The following LRRTM3 variants were observed in gnomAD, a reference collection of about 807,000 sequenced individuals.
The protein encoded by LRRTM3 is leucine-rich repeat transmembrane neuronal protein 3.
LRRTM3 carries 24 observed loss-of-function variants against 44.7 expected under a neutral mutation model. The observed-to-expected ratio is 0.54, with a 90% confidence interval of 0.39 to 0.76. The LOEUF is 0.76. LRRTM3 is among the 30% of genes least tolerant of loss of function. The probability of loss-of-function intolerance (pLI) is 0.00; values close to 1 mark genes in which losing one functional copy is unlikely to be tolerated. For synonymous variants in LRRTM3, 277 were observed against 278.7 expected, an observed-to-expected ratio of 0.99 and a Z score of 0.06; for missense variants, 587 against 702.2, an observed-to-expected ratio of 0.84 and a Z score of 1.85.
At chr10:66,968,417 T>TA (rs141136660) in intron 2 of LRRTM3, among the ~76,000 whole-genome samples, 8 of 149,554 alleles carry the variant, frequency 5.3e-5, no homozygotes, top group South Asian at 2.1e-4. Context: ...GGAAAGAAAT[T>TA]AAAAAAAAGA....
rs1270837688 is a variant in LRRTM3 at position 67,099,022 on chromosome 10, G to A, written c.*1226G>A. ...TACAGCTCATTCAATATAGATATGA[G>A]CCATGGTGGAGAACTTTATCACTCA... On this transcript the variant is annotated 3_prime_UTR_variant, in exon 3 of 3. Coordinates refer to ENST00000361320, the MANE Select transcript of LRRTM3 (RefSeq NM_178011.5). 1 of 151,802 alleles carries A rather than the reference G, an allele frequency of 6.6e-6. No individual in the cohort carries two copies. The highest frequency in any genetic ancestry group is 1.5e-5 in the Non-Finnish European group (1 of 67,852). The allele number at this position is 151,802 out of a possible 1,614,324, so 9.4% of individuals were successfully genotyped here.
At chr10:67,012,758 A>C (rs771192207) in intron 2 of LRRTM3, among the ~76,000 whole-genome samples, 13 of 152,066 alleles carry the variant, frequency 8.5e-5, no homozygotes, top group Non-Finnish European at 1.6e-4. Flanking sequence ...ACTTCTGTAA[A>C]ATGATCAAGA....
chr10:67,090,035 TA>T (rs2131905664), intron 2 of LRRTM3, among the ~76,000 whole-genome samples: 1 of 152,204 alleles, frequency 6.6e-6, no homozygotes, highest in South Asian at 2.1e-4. Context: ...CACATTTTGT[TA>T]AAAAGAAAAG....
chr10:67,069,945 G>C (rs1024539968), intron 2 of LRRTM3, among the ~76,000 whole-genome samples: 1 of 152,074 alleles, frequency 6.6e-6, no homozygotes, highest in African/African-American at 2.4e-5. Flanking sequence ...TAGAATTACT[G>C]GGTCATGGGA....
chr10:66,982,837 C>A (rs1013224013), intron 2 of LRRTM3, among the ~76,000 whole-genome samples: 7 of 152,048 alleles, frequency 4.6e-5, no homozygotes, highest in African/African-American at 1.7e-4. Context: ...ACATTAGGGA[C>A]CCTAAGAGAG....
At chr10:67,000,072 C>G (rs1851588139) in intron 2 of LRRTM3, among the ~76,000 whole-genome samples, 1 of 152,086 alleles carries the variant, frequency 6.6e-6, no homozygotes, top group Admixed American at 6.6e-5. Flanking sequence ...TGGAAATGAT[C>G]ATGATAGCAT....
At chr10:67,054,075 T>TACCGTTTCAA (rs1855279070) in intron 2 of LRRTM3, among the ~76,000 whole-genome samples, 1 of 152,172 alleles carries the variant, frequency 6.6e-6, no homozygotes, top group African/African-American at 2.4e-5. Flanking sequence ...ACTTAGTATT[T>TACCGTTTCAA]ACCGTTTCAA....
Position 66,928,156 on chromosome 10 carries a change from C to G in LRRTM3, c.1240C>G (p.His414Asp). Residue 414 changes from histidine (H) to aspartate (D), a missense_variant, in exon 2 of 3, where the codon CAC becomes GAC. His to Asp is a moderately conservative substitution (Grantham distance 81). Around this residue, in one of 3 missense-constraint regions of LRRTM3, gnomAD observed 315 missense variants for 335.6 expected, o/e 0.94. Transcript: ENST00000361320. ...PGPETDADAE[H>D]ISFHKIIAGS... ...CCCAGAGACCGATGCTGACGCCGAGCACATCTCTTTCCATAAAATCATCGC... is the reference window on the plus strand; with the variant it reads ...CCCAGAGACCGATGCTGACGCCGAGGACATCTCTTTCCATAAAATCATCGC... The G allele has an allele frequency of 6.2e-7, 1 of 1,614,104 alleles. No individual in the cohort carries two copies. The highest frequency in any genetic ancestry group is 1.3e-5 in the African/African-American group (1 of 75,058).
At chr10:67,019,938 G>A (rs1162415707) in intron 2 of LRRTM3, among the ~76,000 whole-genome samples, 2 of 152,106 alleles carry the variant, frequency 1.3e-5, no homozygotes, top group Admixed American at 1.3e-4. Flanking sequence ...TATGAAATAA[G>A]AACGTCACTT....
intron 2 of LRRTM3, among the ~76,000 whole-genome samples, chr10:67,056,258 A>C (rs1448457107): frequency 1.3e-5 from 2 of 152,152 alleles, no homozygotes; most frequent in East Asian, 3.9e-4. Flanking sequence ...CTGTGGACCC[A>C]CTAGGATGTG....
At chr10:67,095,986 G>A (rs548693493) in intron 2 of LRRTM3, among the ~76,000 whole-genome samples, 39 of 151,552 alleles carry the variant, frequency 2.6e-4, no homozygotes, top group Admixed American at 7.9e-4. Context: ...TCTTTCAGTC[G>A]CCTTGACCAT....
intron 2 of LRRTM3, among the ~76,000 whole-genome samples, chr10:66,937,354 A>C (rs1259534694): frequency 1.3e-5 from 2 of 152,158 alleles, no homozygotes; most frequent in Non-Finnish European, 2.9e-5. Context: ...TTCATATATA[A>C]TCTAATACTC....
At chr10:67,065,469 G>T (rs1392232399) in intron 2 of LRRTM3, among the ~76,000 whole-genome samples, 3 of 152,068 alleles carry the variant, frequency 2.0e-5, no homozygotes, top group African/African-American at 7.2e-5. Flanking sequence ...AATAAATATT[G>T]AAAAGTATTA....
intron 2 of LRRTM3, among the ~76,000 whole-genome samples, chr10:67,049,221 G>A (rs1341757829): frequency 6.6e-6 from 1 of 151,836 alleles, no homozygotes; most frequent in Non-Finnish European, 1.5e-5. Flanking sequence ...CAGGAGGCAG[G>A]GTCAGTTATT....
chr10:66,952,060 G>T (rs2132725020), intron 2 of LRRTM3, among the ~76,000 whole-genome samples: 1 of 152,224 alleles, frequency 6.6e-6, no homozygotes, highest in South Asian at 2.1e-4. Flanking sequence ...AGCCTAATAT[G>T]GGAAACAAGT....
At chr10:67,001,298 TAAA>T (rs568002651) in intron 2 of LRRTM3, among the ~76,000 whole-genome samples, 3 of 93,336 alleles carry the variant, frequency 3.2e-5, no homozygotes, top group Admixed American at 1.2e-4. Context: ...AGACTCTGTC[TAAA>T]AAAAAAAAAA....
intron 2 of LRRTM3, among the ~76,000 whole-genome samples, chr10:67,057,636 G>A (rs962489332): frequency 3.3e-5 from 5 of 152,000 alleles, no homozygotes; most frequent in Non-Finnish European, 5.9e-5. Flanking sequence ...CCAGCAACAC[G>A]AGGTTGGTTT....
chr10:66,968,711 G>A (rs2132814698), intron 2 of LRRTM3, among the ~76,000 whole-genome samples: 1 of 152,104 alleles, frequency 6.6e-6, no homozygotes, highest in African/African-American at 2.4e-5. Flanking sequence ...ATTTTTAATA[G>A]GTTAAATTTA....
chr10:67,068,582 G>A (rs1477332078), intron 2 of LRRTM3, among the ~76,000 whole-genome samples: 1 of 152,154 alleles, frequency 6.6e-6, no homozygotes, highest in African/African-American at 2.4e-5. Context: ...ACTTTGGACA[G>A]TTCTTATATT....
Sources: gnomAD v4.1 joint callset for allele counts (sites outside exome capture counted in the v4.1 genomes callset) on GRCh38, gnomAD v4.1.1 for gene constraint, gnomAD v4.1.1 regional missense constraint, MANE v1.5 for transcripts, NCBI Gene and HGNC (gene_info 2026-07-23, HGNC 2026-07-21) for gene names.